Variants in ARID4B observed in about 807,000 individuals in gnomAD.
ARID4B encodes the protein AT-rich interactive domain-containing protein 4B.
In ARID4B, 26 loss-of-function variants were observed where a neutral mutation model predicts 147.5. The ratio of observed to expected loss-of-function variants is 0.18; its 90% CI spans 0.13 to 0.24. The LOEUF is 0.24. Ranked by LOEUF, ARID4B falls within the 10% of genes least tolerant of loss-of-function variation. The pLI is 1.00. For synonymous variants in ARID4B, 512 were observed against 507.9 expected, an observed-to-expected ratio of 1.01 and a Z score of -0.11; for missense variants, 1,179 against 1,511.5, an observed-to-expected ratio of 0.78 and a Z score of 3.65.
At chr1:235,206,025 T>C (rs1666286872) in intron 17 of ARID4B, among the ~76,000 whole-genome samples, 1 of 152,162 alleles carries the variant, frequency 6.6e-6, no homozygotes, top group South Asian at 2.1e-4. Context: ...TCAAGCCATA[T>C]CTGTCCCAAT....
At chr1:235,283,715 A>G (rs1158055367) in intron 2 of ARID4B, among the ~76,000 whole-genome samples, 1 of 152,170 alleles carries the variant, frequency 6.6e-6, no homozygotes, top group Non-Finnish European at 1.5e-5. Context: ...CCTAAAGAAA[A>G]TGAAACCAAT....
chr1:235,300,290 G>A (rs1673026562), intron 2 of ARID4B, among the ~76,000 whole-genome samples: 1 of 152,164 alleles, frequency 6.6e-6, no homozygotes, highest in South Asian at 2.1e-4. Flanking sequence ...GGTGGCGGGT[G>A]CCTGCAATCC....
chr1:235,184,717 A>C (rs1201922936), intron 19 of ARID4B, among the ~76,000 whole-genome samples: 1 of 152,248 alleles, frequency 6.6e-6, no homozygotes, highest in Non-Finnish European at 1.5e-5. Flanking sequence ...CTCATAATGA[A>C]AAACCAAAAA....
At chr1:235,272,750 A>G (rs971401556) in intron 2 of ARID4B, among the ~76,000 whole-genome samples, 1 of 150,754 alleles carries the variant, frequency 6.6e-6, no homozygotes, top group Non-Finnish European at 1.5e-5. Flanking sequence ...AATACATACA[A>G]TACCAATGTG....
At chr1:235,257,944 C>CT (rs1382725362) in intron 3 of ARID4B, among the ~76,000 whole-genome samples, 1 of 152,182 alleles carries the variant, frequency 6.6e-6, no homozygotes, top group African/African-American at 2.4e-5. Context: ...AAACACTTAA[C>CT]TGAGATCTGA....
intron 17 of ARID4B, among the ~76,000 whole-genome samples, chr1:235,208,954 C>A (rs1373574070): frequency 6.6e-6 from 1 of 152,068 alleles, no homozygotes; most frequent in Non-Finnish European, 1.5e-5. Flanking sequence ...TAGTGCTAGA[C>A]AATAGTTTTA....
At position 235,265,662 on chromosome 1, in the gene ARID4B, G is replaced by A. The variant is rs529759220; in HGVS notation, c.7-4910C>T. Among the ~76,000 whole-genome samples the A allele has an allele frequency of 1.4e-3, 212 of 151,598 alleles. 1 individual carries two copies. The highest frequency in any genetic ancestry group is 4.8e-3 in the African/African-American group (196 of 41,246). ...TGCAGTGAGCAGAGATCGCGCCACC[G>A]CACTCTAACCTGGGCGACACTGAGA... On this transcript the variant is annotated intron_variant, in intron 2 of 23. Coordinates refer to ENST00000264183, the MANE Select transcript of ARID4B (RefSeq NM_016374.6).
chr1:235,311,143 G>C (rs1433089556), intron 2 of ARID4B, among the ~76,000 whole-genome samples: 1 of 151,934 alleles, frequency 6.6e-6, no homozygotes, highest in Non-Finnish European at 1.5e-5. Flanking sequence ...ATAATTCACA[G>C]GGCAAGAGTT....
chr1:235,257,468 T>C (rs978045161), intron 3 of ARID4B, among the ~76,000 whole-genome samples: 5 of 150,798 alleles, frequency 3.3e-5, no homozygotes, highest in Admixed American at 2.6e-4. Context: ...GTTCCACATG[T>C]CATTTTTTTT....
chr1:235,257,145 G>A lies in ARID4B; in HGVS notation c.183+15C>T, dbSNP rs955008613. 5.1e-6 allele frequency: 8 copies of A among 1,573,888 alleles called. No individual in the cohort carries two copies. The highest frequency in any genetic ancestry group is 7.0e-6 in the Non-Finnish European group (8 of 1,144,354). On this transcript the variant is annotated intron_variant, in intron 4 of 23. Transcript: ENST00000264183. ...CCAAACAACCATTAGAATTAACAAT[G>A]AATACATGAATTACCTTTAGTGGGC... is the stretch of plus-strand genomic sequence containing the variant.
Position 235,323,765 on chromosome 1 carries a change from C to T in ARID4B, c.6+3149G>A, listed in dbSNP as rs542763006. Among the ~76,000 whole-genome samples the T allele has an allele frequency of 1.3e-4, 19 of 150,030 alleles. No homozygotes were observed. In the South Asian group the frequency reaches 4.0e-3, roughly 32 times the overall value. On this transcript the variant is annotated intron_variant, in intron 2 of 23. Transcript: ENST00000264183. ...CACCACTGCACTCCGGCCTGGGCAA[C>T]AAGAGCAAAAGTCCGTCTTAAAAAA... is the stretch of plus-strand genomic sequence containing the variant.
intron 4 of ARID4B, among the ~76,000 whole-genome samples, chr1:235,256,899 A>T (rs1350222242): frequency 6.6e-6 from 1 of 152,048 alleles, no homozygotes; most frequent in Non-Finnish European, 1.5e-5. Flanking sequence ...CTTTTTTTTA[A>T]AAGACAGCAT....
At chr1:235,215,329 G>C (rs1046015513) in intron 16 of ARID4B, among the ~76,000 whole-genome samples, 1 of 151,830 alleles carries the variant, frequency 6.6e-6, no homozygotes, top group African/African-American at 2.4e-5. Context: ...ATTTAGTCTG[G>C]TTTTATTTGC....
chr1:235,313,120 T>G (rs1674182962), intron 2 of ARID4B, among the ~76,000 whole-genome samples: 1 of 152,208 alleles, frequency 6.6e-6, no homozygotes, highest in Non-Finnish European at 1.5e-5. Flanking sequence ...CTCAGCTTAC[T>G]GCAATTTCCA....
Position 235,223,182 on chromosome 1 carries a change from A to G in ARID4B, c.1049T>C (p.Leu350Pro). Residue 350 changes from leucine to proline, a missense_variant, in exon 13 of 24, where the codon CTT becomes CCT. Transcript: ENST00000264183. ...AACACTCACATTATCAAATCCTCCA[A>G]GTTTGTGTACAAGTCTGAATAACTT... The part of the protein sequence containing the change: ...LFKLFRLVHK[L>P]GGFDNIESGA... 6.3e-7 allele frequency: 1 copy of G among 1,576,770 alleles called. No homozygotes were observed. Among genetic ancestry groups the G allele is most frequent in the Admixed American group, 1.8e-5 (1 of 55,540 alleles).
intron 2 of ARID4B, among the ~76,000 whole-genome samples, chr1:235,268,370 TACAC>T (rs34759406): frequency 2.3e-4 from 35 of 150,138 alleles, no homozygotes; most frequent in Middle Eastern, 3.4e-3. Flanking sequence ...TATATATACA[TACAC>T]ACACACACAC....
chr1:235,177,759 T>C, intron 21 of ARID4B, 41 bp downstream of exon 21: 2 of 1,343,636 alleles, frequency 1.5e-6, no homozygotes, highest in Non-Finnish European at 2.1e-6. Flanking sequence ...AATTATCAGC[T>C]ATTATTTTTA....
chr1:235,190,594 C>T (rs1241977164), intron 19 of ARID4B, among the ~76,000 whole-genome samples: 1 of 152,050 alleles, frequency 6.6e-6, no homozygotes, highest in Non-Finnish European at 1.5e-5. Context: ...TTCAACACTG[C>T]CAATAAAATA....
At chr1:235,230,618 C>CAAAAAAAA (rs1668154034) in intron 10 of ARID4B, among the ~76,000 whole-genome samples, 1 of 45,888 alleles carries the variant, frequency 2.2e-5, no homozygotes. Context: ...AAAAAAAAAC[C>CAAAAAAAA]AGAAAAAAAA....
Sources: gnomAD v4.1 joint callset for allele counts (sites outside exome capture counted in the v4.1 genomes callset) on GRCh38, gnomAD v4.1.1 for gene constraint, MANE v1.5 for transcripts, NCBI Gene and HGNC (gene_info 2026-07-23, HGNC 2026-07-21) for gene names.